The following PDE1C variants were observed in gnomAD, a reference collection of about 807,000 sequenced individuals.
PDE1C encodes phosphodiesterase 1C.
PDE1C carries 62 observed loss-of-function variants against 93.1 expected under a neutral mutation model. The ratio of observed to expected loss-of-function variants is 0.67; its 90% CI spans 0.54 to 0.82. PDE1C has a LOEUF of 0.82. Ranked by LOEUF, PDE1C falls within the 40% of genes least tolerant of loss-of-function variation. PDE1C has a pLI of 0.00. For synonymous variants in PDE1C, 325 were observed against 310.1 expected (o/e 1.05, Z -0.50); for missense variants, 742 against 884.6 (o/e 0.84, Z 2.04).
chr7:32,374,079 G>C (rs1330071822), intron 1 of PDE1C, among the ~76,000 whole-genome samples: 1 of 29,588 alleles, frequency 3.4e-5, no homozygotes, highest in Non-Finnish European at 6.9e-5. Flanking sequence ...AGAGGGAGGA[G>C]GGAGGAGGGA....
At chr7:32,104,107 A>T (rs776308577) in intron 3 of PDE1C, among the ~76,000 whole-genome samples, 23 of 152,152 alleles carry the variant, frequency 1.5e-4, no homozygotes, top group Non-Finnish European at 2.8e-4. Context: ...GAATAGAAGG[A>T]AATAAATTAT....
chr7:31,755,300 T>C (rs911716021), intron 17 of PDE1C, among the ~76,000 whole-genome samples: 2 of 152,198 alleles, frequency 1.3e-5, no homozygotes, highest in Admixed American at 6.5e-5. Context: ...AAAATACTTA[T>C]AGATATGTGT....
intron 2 of PDE1C, among the ~76,000 whole-genome samples, chr7:32,200,765 C>G (rs73104587): frequency 0.011 from 1,613 of 152,296 alleles, 15 homozygotes; most frequent in Non-Finnish European, 0.016. Flanking sequence ...ATCATCTCTG[C>G]CACATTTACA....
At chr7:31,927,065 G>C (rs757352302) in intron 2 of PDE1C, among the ~76,000 whole-genome samples, 2 of 152,182 alleles carry the variant, frequency 1.3e-5, no homozygotes, top group Non-Finnish European at 2.9e-5. Flanking sequence ...CCAGTGGCTT[G>C]AAATTCTCAC....
chr7:32,312,418 A>G (rs1343564197), intron 1 of PDE1C, among the ~76,000 whole-genome samples: 2 of 152,132 alleles, frequency 1.3e-5, no homozygotes, highest in Non-Finnish European at 1.5e-5. Flanking sequence ...TAAAGTTCAT[A>G]TGGAACCAAA....
At chr7:31,952,929 T>C (rs1317194701) in intron 2 of PDE1C, among the ~76,000 whole-genome samples, 1 of 152,118 alleles carries the variant, frequency 6.6e-6, no homozygotes, top group African/African-American at 2.4e-5. Flanking sequence ...CTACATCTAG[T>C]ATTGTTTAAT....
intron 1 of PDE1C, among the ~76,000 whole-genome samples, chr7:32,348,511 C>T (rs1194132018): frequency 4.0e-5 from 6 of 151,844 alleles, no homozygotes; most frequent in Admixed American, 3.9e-4. Flanking sequence ...ACTACAGGCA[C>T]CTGCCACCAT....
intron 3 of PDE1C, among the ~76,000 whole-genome samples, chr7:32,133,917 T>G (rs1800065396): frequency 6.6e-6 from 1 of 151,774 alleles, no homozygotes; most frequent in African/African-American, 2.4e-5. Flanking sequence ...ACAGGAAATT[T>G]CAGCTGGTAA....
At chr7:31,912,109 A>G (rs577067752) in intron 2 of PDE1C, among the ~76,000 whole-genome samples, 10 of 152,322 alleles carry the variant, frequency 6.6e-5, no homozygotes, top group African/African-American at 2.4e-4. Context: ...AGTGATGTTA[A>G]CAGACCAAAT....
chr7:31,894,385 G>A (rs983300321), intron 2 of PDE1C, among the ~76,000 whole-genome samples: 1 of 152,222 alleles, frequency 6.6e-6, no homozygotes, highest in African/African-American at 2.4e-5. Context: ...GTCTTCCCAT[G>A]AAGTCTGAAA....
the PDE1C span, among the ~76,000 whole-genome samples, chr7:31,725,411 T>C: frequency 6.6e-6 from 1 of 152,188 alleles, no homozygotes; most frequent in Non-Finnish European, 1.5e-5. Flanking sequence ...TTTTTTGGCA[T>C]GAAAAACTTG....
intron 12 of PDE1C, among the ~76,000 whole-genome samples, chr7:31,826,370 A>G (rs1224385826): frequency 6.6e-6 from 1 of 152,222 alleles, no homozygotes; most frequent in Non-Finnish European, 1.5e-5. Context: ...AAACAGTGAT[A>G]GCCAAAAGTG....
chr7:32,232,096 A>T (rs1473407678), intron 1 of PDE1C, among the ~76,000 whole-genome samples: 1 of 152,120 alleles, frequency 6.6e-6, no homozygotes, highest in Non-Finnish European at 1.5e-5. Context: ...AATGCATGGA[A>T]CACCTATTTG....
Position 31,804,951 on chromosome 7 carries a change from A to G in PDE1C, c.1891+4080T>C, listed in dbSNP as rs1262337226. ...CCCCACCCAAATCTCATCTTGAATC[A>G]TAGATCCCATAACCCCCATGTGTCA... is the stretch of plus-strand genomic sequence containing the variant. On this transcript the variant is annotated intron_variant, in intron 16 of 17. Coordinates refer to ENST00000396191, the MANE Select transcript of PDE1C (RefSeq NM_001191057.4). Among the ~76,000 whole-genome samples, 4 of 151,820 alleles carry G rather than the reference A, an allele frequency of 2.6e-5. No homozygotes were observed. In the East Asian group the frequency reaches 7.8e-4, roughly 30 times the overall value.
chr7:31,796,774 C>G (rs1044383696), intron 16 of PDE1C, among the ~76,000 whole-genome samples: 1 of 151,820 alleles, frequency 6.6e-6, no homozygotes, highest in South Asian at 2.1e-4. Context: ...ACTGAATTCA[C>G]AGTAGCTCTT....
rs1793876239 is a variant in PDE1C, at chr7:31,855,301, A to G, written c.751-4560T>C. Among the ~76,000 whole-genome samples, 4 of 152,022 alleles carry G rather than the reference A, an allele frequency of 2.6e-5. No homozygotes were observed. In the South Asian group the frequency reaches 8.3e-4, roughly 32 times the overall value. On this transcript the variant is annotated intron_variant, in intron 7 of 17. Coordinates refer to ENST00000396191, the MANE Select transcript of PDE1C (RefSeq NM_001191057.4). The stretch of plus-strand genomic sequence containing the variant: ...TTCCACAGTTTCCCTCTTCACCTTC[A>G]AGCTGGCAATGACTGTTGGGTCCTT...
At chr7:31,669,193 A>G in the PDE1C span, among the ~76,000 whole-genome samples, 1 of 152,204 alleles carries the variant, frequency 6.6e-6, no homozygotes, top group African/African-American at 2.4e-5. Context: ...ACCAGCCAGT[A>G]GCCATTGTAG....
chr7:31,739,448 A>C, the PDE1C span, among the ~76,000 whole-genome samples: 2 of 152,142 alleles, frequency 1.3e-5, no homozygotes, highest in Non-Finnish European at 2.9e-5. Flanking sequence ...CTTGATGGGA[A>C]TGTAAATAAT....
At chr7:31,675,451 C>A in the PDE1C span, among the ~76,000 whole-genome samples, 2 of 152,046 alleles carry the variant, frequency 1.3e-5, no homozygotes, top group Non-Finnish European at 2.9e-5. Context: ...TGTGTTGTTG[C>A]TAATAGCTGG....
Sources: gnomAD v4.1 joint callset for allele counts (sites outside exome capture counted in the v4.1 genomes callset) on GRCh38, gnomAD v4.1.1 for gene constraint, MANE v1.5 for transcripts, NCBI Gene and HGNC (gene_info 2026-07-23, HGNC 2026-07-21) for gene names.